DDX10: variants seen among roughly 807,000 people sequenced by gnomAD.
The protein encoded by DDX10 is probable ATP-dependent RNA helicase DDX10.
A neutral mutation model predicts 104.3 loss-of-function variants in DDX10; 74 were observed. That is an observed-to-expected ratio of 0.71 (90% CI 0.59 to 0.86). The LOEUF (loss-of-function observed/expected upper bound fraction) is 0.86. DDX10 is among the 40% of genes least tolerant of loss of function. The pLI, the probability that DDX10 is intolerant of heterozygous loss-of-function variation, is 0.00. For missense variants in DDX10, 952 were observed against 1,040.0 expected (o/e 0.92, Z 1.16); for synonymous variants, 351 against 353.4 (o/e 0.99, Z 0.08).
intron 13 of DDX10, among the ~76,000 whole-genome samples, chr11:108,726,970 T>G (rs2094306122): frequency 6.6e-6 from 1 of 152,096 alleles, no homozygotes; most frequent in African/African-American, 2.4e-5. Flanking sequence ...GCCTGTTGAT[T>G]ATGGTGTATT....
At chr11:108,725,902 T>G (rs745778757) in intron 13 of DDX10, among the ~76,000 whole-genome samples, 3 of 151,960 alleles carry the variant, frequency 2.0e-5, no homozygotes, top group African/African-American at 4.8e-5. Flanking sequence ...AGAGGTTTTA[T>G]AGTTTTAGCA....
chr11:108,887,718 C>G (rs1181163708), intron 16 of DDX10, among the ~76,000 whole-genome samples: 2 of 151,982 alleles, frequency 1.3e-5, no homozygotes, highest in African/African-American at 4.8e-5. Context: ...AGTTCCAGAC[C>G]AGCCTGGTCA....
Position 108,719,104 on chromosome 11 carries a change from G to GTTTTT in DDX10, c.1411-677_1411-673dup, listed in dbSNP as rs36015980. Among the ~76,000 whole-genome samples the GTTTTT allele has an allele frequency of 5.4e-4, 70 of 129,512 alleles. No individual in the cohort carries two copies. The South Asian group carries it at 0.011, about 21-fold the overall frequency. 85.0% of individuals were successfully genotyped at this position (129,512 alleles called of 152,430 possible). Reference sequence around the variant, plus strand: ...TTTGTGTAACTCTAGTATGAAGATAGTTTTTTTTTTTTTTTTTTTTAACAG... The same window carrying GTTTTT: ...TTTGTGTAACTCTAGTATGAAGATAGTTTTTTTTTTTTTTTTTTTTTTTTTAACAG... On this transcript the variant is annotated intron_variant, in intron 11 of 17. Transcript: ENST00000322536.
At chr11:108,869,321 C>T (rs1863050829) in intron 16 of DDX10, among the ~76,000 whole-genome samples, 1 of 151,934 alleles carries the variant, frequency 6.6e-6, no homozygotes, top group Non-Finnish European at 1.5e-5. Flanking sequence ...TTTCATCACT[C>T]ATCTTCTCTT....
chr11:108,806,397 T>C (rs755986589), intron 13 of DDX10, among the ~76,000 whole-genome samples: 71 of 152,326 alleles, frequency 4.7e-4, no homozygotes, highest in Non-Finnish European at 9.0e-4. Flanking sequence ...TGGCGAACTT[T>C]ATGATACTCT....
intron 13 of DDX10, among the ~76,000 whole-genome samples, chr11:108,780,011 C>T (rs537784430): frequency 6.6e-6 from 1 of 152,206 alleles, no homozygotes; most frequent in Admixed American, 6.5e-5. Flanking sequence ...TCATTTTCTC[C>T]TTATGGGAAA....
chr11:108,868,272 G>A (rs562163149), intron 16 of DDX10: 4 of 152,158 alleles, frequency 2.6e-5, no homozygotes, highest in Non-Finnish European at 4.4e-5. Context: ...AGTTTAGGTA[G>A]AAGGGCATTC....
At chr11:108,764,068 C>T (rs1409449983) in intron 13 of DDX10, among the ~76,000 whole-genome samples, 2 of 152,070 alleles carry the variant, frequency 1.3e-5, no homozygotes, top group Non-Finnish European at 2.9e-5. Context: ...TTGGTGGATT[C>T]CTGAATGGAA....
At position 108,675,520 on chromosome 11, in the gene DDX10, G is replaced by A. The variant is rs1591787769; in HGVS notation, c.248-76G>A. 3.3e-6 allele frequency: 5 copies of A among 1,511,002 alleles called. No homozygotes were observed. The East Asian group carries it at 9.1e-5, about 27-fold the overall frequency. The allele number at this position is 1,511,002 out of a possible 1,614,324, so 93.6% of individuals were successfully genotyped here. ...AGGGCTTCAACATAGGAATTTTGGG[G>A]GACACAACTCACTTAGCCTATAATA... On this transcript the variant is annotated intron_variant, in intron 2 of 17. Transcript: ENST00000322536.
intron 16 of DDX10, among the ~76,000 whole-genome samples, chr11:108,879,122 C>A (rs1034465940): frequency 2.0e-5 from 3 of 152,092 alleles, no homozygotes; most frequent in African/African-American, 7.2e-5. Context: ...CCGTGTCAGC[C>A]TTCCAGGTAG....
chr11:108,731,312 A>G lies in DDX10; in HGVS notation c.1965+7850A>G, dbSNP rs574959499. On this transcript the variant is annotated intron_variant, in intron 13 of 17. Coordinates refer to ENST00000322536, the MANE Select transcript of DDX10 (RefSeq NM_004398.4). ...GTCATCCACCTGCCTCAGCCTCTCAAAGTGCTAGGATTACAGGTGTCAGCC... is the reference window on the plus strand; with the variant it reads ...GTCATCCACCTGCCTCAGCCTCTCAGAGTGCTAGGATTACAGGTGTCAGCC... 1.4e-4 allele frequency among the ~76,000 whole-genome samples: 21 copies of G among 152,224 alleles called. 3 individuals carry two copies. The East Asian group carries it at 4.1e-3, about 29-fold the overall frequency.
intron 16 of DDX10, among the ~76,000 whole-genome samples, chr11:108,904,115 G>C (rs1863556924): frequency 6.6e-6 from 1 of 151,968 alleles, no homozygotes; most frequent in Non-Finnish European, 1.5e-5. Context: ...TTTTTACTCT[G>C]ATTTTTCTTT....
At chr11:108,790,052 A>G (rs1391467844) in intron 13 of DDX10, among the ~76,000 whole-genome samples, 4 of 152,298 alleles carry the variant, frequency 2.6e-5, no homozygotes, top group Admixed American at 1.3e-4. Flanking sequence ...AGTTACATCA[A>G]TTAAGAGCCA....
At chr11:108,814,304 C>T (rs894266366) in intron 13 of DDX10, among the ~76,000 whole-genome samples, 2 of 151,924 alleles carry the variant, frequency 1.3e-5, no homozygotes, top group African/African-American at 4.8e-5. Context: ...TTTTTCTTCC[C>T]CTTTCTCAGT....
intron 16 of DDX10, among the ~76,000 whole-genome samples, chr11:108,885,688 T>G (rs1265063707): frequency 6.6e-6 from 1 of 152,144 alleles, no homozygotes; most frequent in East Asian, 1.9e-4. Context: ...TTTCACAATT[T>G]TAATGGCTCA....
intron 16 of DDX10, among the ~76,000 whole-genome samples, chr11:108,894,748 A>G (rs1179433724): frequency 6.6e-6 from 1 of 152,030 alleles, no homozygotes; most frequent in African/African-American, 2.4e-5. Flanking sequence ...ATAAAAAATT[A>G]AAGCCTTCAG....
At chr11:108,756,903 CTAA>C (rs2094345055) in intron 13 of DDX10, among the ~76,000 whole-genome samples, 1 of 152,024 alleles carries the variant, frequency 6.6e-6, no homozygotes, top group Admixed American at 6.6e-5. Context: ...TAATTGAAGG[CTAA>C]TACATTATGA....
intron 13 of DDX10, among the ~76,000 whole-genome samples, chr11:108,750,533 C>A (rs2134504644): frequency 6.6e-6 from 1 of 152,196 alleles, no homozygotes; most frequent in East Asian, 1.9e-4. Flanking sequence ...TTGTCACAGA[C>A]CCCCTTCAGC....
chr11:108,798,223 T>C (rs1360252592), intron 13 of DDX10, among the ~76,000 whole-genome samples: 1 of 152,238 alleles, frequency 6.6e-6, no homozygotes, highest in African/African-American at 2.4e-5. Context: ...TCTTGGGGCA[T>C]GTGCTCATCC....
Sources: gnomAD v4.1 joint callset for allele counts (sites outside exome capture counted in the v4.1 genomes callset) on GRCh38, gnomAD v4.1.1 for gene constraint, MANE v1.5 for transcripts, NCBI Gene and HGNC (gene_info 2026-07-23, HGNC 2026-07-21) for gene names.